EZR: variants seen among roughly 807,000 people sequenced by gnomAD.
EZR encodes the protein ezrin.
EZR carries 40 observed loss-of-function variants against 74.8 expected under a neutral mutation model. The ratio of observed to expected loss-of-function variants is 0.53; its 90% CI spans 0.42 to 0.70. The LOEUF is 0.70. Among genes scored for constraint, EZR ranks in the 30% least tolerant of loss-of-function variants. The pLI is 0.00. For synonymous variants in EZR, 341 were observed against 283.3 expected, an observed-to-expected ratio of 1.20 and a Z score of -2.05; for missense variants, 678 against 755.8, an observed-to-expected ratio of 0.90 and a Z score of 1.21.
rs1441923224 is a variant in EZR at position 158,803,553 on chromosome 6, A to G, written c.13-14182T>C. ...TATATATATATATATATGTATATAT[A>G]TATATATATATATATATATATATAT... is the stretch of plus-strand genomic sequence containing the variant. On this transcript the variant is annotated intron_variant, in intron 2 of 13. Coordinates refer to ENST00000367075, the MANE Select transcript of EZR (RefSeq NM_001111077.2). Among the ~76,000 whole-genome samples the G allele has an allele frequency of 3.6e-3, 5 of 1,388 alleles. 2 individuals carry two copies. Among genetic ancestry groups the G allele is most frequent in the Non-Finnish European group, 5.5e-3 (3 of 544 alleles). The allele number at this position is 1,388 out of a possible 152,430, so 0.9% of individuals were successfully genotyped here. A position where few individuals can be genotyped will look rare whatever the true frequency, so the allele number is the denominator to read the frequency against.
At position 158,785,293 on chromosome 6, in the gene EZR, G is replaced by C. The variant is rs1344543714; in HGVS notation, c.467+16C>G. 1 of 1,610,784 alleles carries C rather than the reference G, an allele frequency of 6.2e-7. No homozygotes were observed. Among genetic ancestry groups the C allele is most frequent in the Non-Finnish European group, 8.5e-7 (1 of 1,177,866 alleles). On this transcript the variant is annotated intron_variant, in intron 5 of 13. Transcript: ENST00000367075. ...GCATGACTGCTCCTGCCCAGGCCGG[G>C]TCATCCTGTGCTCACCTTTGAGGGA...
intron 2 of EZR, among the ~76,000 whole-genome samples, chr6:158,798,916 A>G (rs1777131858): frequency 1.3e-5 from 2 of 152,334 alleles, no homozygotes; most frequent in Admixed American, 1.3e-4. Flanking sequence ...AGTGTAAGCC[A>G]CTGCTCCACA....
intron 7 of EZR, among the ~76,000 whole-genome samples, chr6:158,777,440 C>T (rs1443915025): frequency 6.6e-6 from 1 of 152,266 alleles, no homozygotes; most frequent in Non-Finnish European, 1.5e-5. Context: ...TTCCCAAGTT[C>T]ATCATGTGAC....
At chr6:158,776,603 A>C in intron 7 of EZR, 99 bp from the exon 8 acceptor site, 2 of 830,716 alleles carry the variant, frequency 2.4e-6, no homozygotes, top group Non-Finnish European at 3.8e-6. Context: ...TTCAATTAAA[A>C]TAATATGAAG....
chr6:158,804,214 C>T (rs1389507356), intron 2 of EZR, among the ~76,000 whole-genome samples: 2 of 152,142 alleles, frequency 1.3e-5, no homozygotes, highest in Admixed American at 6.6e-5. Context: ...CTGGAAATAA[C>T]ATACATTGTG....
At chr6:158,801,312 A>G (rs1017193660) in intron 2 of EZR, among the ~76,000 whole-genome samples, 5 of 152,050 alleles carry the variant, frequency 3.3e-5, no homozygotes, top group African/African-American at 1.2e-4. Flanking sequence ...ACGGGGTTTC[A>G]CCATGTTGCC....
chr6:158,767,220 G>A, intron 13 of EZR, 41 bp downstream of exon 13: 1 of 1,590,482 alleles, frequency 6.3e-7, no homozygotes, highest in East Asian at 2.2e-5. Context: ...TGCTCCAAAA[G>A]CGAGGCAGGC....
intron 7 of EZR, 23 bp from the exon 8 acceptor site, chr6:158,776,527 G>C (rs1562492869): frequency 4.0e-6 from 6 of 1,516,318 alleles, no homozygotes; most frequent in Admixed American, 1.8e-5. Context: ...AGAAGAAGTG[G>C]ATGGTTAGAT....
At chr6:158,776,308 G>T in intron 8 of EZR, 100 bp downstream of exon 8, 1 of 983,368 alleles carries the variant, frequency 1.0e-6, no homozygotes. Context: ...GAGGAGTTTG[G>T]ACTATCACTG....
At chr6:158,795,247 A>G (rs1026172360) in intron 2 of EZR, among the ~76,000 whole-genome samples, 5 of 151,972 alleles carry the variant, frequency 3.3e-5, no homozygotes, top group African/African-American at 7.3e-5. Context: ...GTGAGACTCC[A>G]TCGCAAAAAA....
At chr6:158,812,565 G>A (rs1221203247) in intron 2 of EZR, among the ~76,000 whole-genome samples, 1 of 151,984 alleles carries the variant, frequency 6.6e-6, no homozygotes, top group Non-Finnish European at 1.5e-5. Flanking sequence ...CATATACTAG[G>A]GAAAACAAAA....
intron 2 of EZR, among the ~76,000 whole-genome samples, chr6:158,798,830 T>A (rs776284968): frequency 2.5e-4 from 38 of 152,026 alleles, no homozygotes; most frequent in Non-Finnish European, 4.3e-4. Flanking sequence ...AGTTTCACCA[T>A]GTTGCCCAGG....
intron 2 of EZR, among the ~76,000 whole-genome samples, chr6:158,796,479 A>ATAT (rs1163265112): frequency 1.3e-5 from 2 of 152,214 alleles, no homozygotes; most frequent in Non-Finnish European, 2.9e-5. Context: ...CTTGCTGCTG[A>ATAT]TATTGAGTGG....
chr6:158,794,592 G>A (rs1168458230), intron 2 of EZR, among the ~76,000 whole-genome samples: 1 of 152,124 alleles, frequency 6.6e-6, no homozygotes, highest in African/African-American at 2.4e-5. Flanking sequence ...ACTATGTGCA[G>A]ACTGGAGAAA....
At chr6:158,793,462 T>C (rs990934117) in intron 2 of EZR, among the ~76,000 whole-genome samples, 3 of 152,024 alleles carry the variant, frequency 2.0e-5, no homozygotes, top group Admixed American at 6.6e-5. Context: ...TACATAGAGA[T>C]TGAAGAGAAG....
intron 8 of EZR, among the ~76,000 whole-genome samples, chr6:158,773,025 A>C (rs568293561): frequency 2.0e-5 from 3 of 152,132 alleles, no homozygotes; most frequent in African/African-American, 7.2e-5. Flanking sequence ...TGGGTTTCCC[A>C]GGGAGGAGTC....
chr6:158,786,944 A>C (rs185755351), intron 4 of EZR, among the ~76,000 whole-genome samples, 164 bp downstream of exon 4: 17 of 152,372 alleles, frequency 1.1e-4, no homozygotes, highest in Admixed American at 3.9e-4. Flanking sequence ...TTTCCAATCG[A>C]TATCTCCATT....
intron 12 of EZR, 86 bp from the exon 13 acceptor site, chr6:158,767,598 C>T: frequency 1.4e-6 from 2 of 1,419,874 alleles, no homozygotes; most frequent in Non-Finnish European, 1.9e-6. Flanking sequence ...CTCCCTCTGT[C>T]CTGGCAGGCT....
intron 2 of EZR, among the ~76,000 whole-genome samples, chr6:158,817,724 G>A (rs1777588950): frequency 6.6e-6 from 1 of 152,168 alleles, no homozygotes. Flanking sequence ...GAAGCCATCT[G>A]AGTCTCCCTG....
Sources: allele counts gnomAD v4.1 joint callset (sites outside exome capture counted in the v4.1 genomes callset), GRCh38; gene constraint gnomAD v4.1.1; transcripts MANE v1.5; gene names NCBI Gene and HGNC (gene_info 2026-07-23, HGNC 2026-07-21).